Variants in CUL1 observed in about 807,000 individuals in gnomAD.
The protein encoded by CUL1 is cullin 1, also known as cullin-1.
CUL1 carries 24 observed loss-of-function variants against 118.0 expected under a neutral mutation model. The observed-to-expected ratio is 0.20, with a 90% confidence interval of 0.15 to 0.29. CUL1 has a LOEUF of 0.29. Ranked by LOEUF, CUL1 falls within the 10% of genes least tolerant of loss-of-function variation. The probability of loss-of-function intolerance (pLI) is 1.00; values close to 1 mark genes in which losing one functional copy is unlikely to be tolerated. For missense variants in CUL1, 361 were observed against 933.8 expected (o/e 0.39, Z 7.99); for synonymous variants, 332 against 340.4 (o/e 0.98, Z 0.27).
chr7:148,705,497 A>G (rs1476293000), intron 1 of CUL1, among the ~76,000 whole-genome samples: 1 of 152,252 alleles, frequency 6.6e-6, no homozygotes, highest in Non-Finnish European at 1.5e-5. Context: ...ACCGTTGCAC[A>G]GAAACGTGTC....
intron 2 of CUL1, among the ~76,000 whole-genome samples, chr7:148,750,336 C>T (rs1584789644): frequency 6.8e-6 from 1 of 147,440 alleles, no homozygotes; most frequent in South Asian, 2.1e-4. Flanking sequence ...TTCTAGGGTA[C>T]ATATGCACAA....
chr7:148,784,881 A>G lies in CUL1; in HGVS notation c.1298+804A>G, dbSNP rs3807448. Among the ~76,000 whole-genome samples, 309 of 152,372 alleles carry G rather than the reference A, an allele frequency of 2.0e-3. 10 individuals carry two copies. The East Asian group carries it at 0.055, about 27-fold the overall frequency. On this transcript the variant is annotated intron_variant, in intron 11 of 21. Transcript: ENST00000325222. ...AAAGACTACAAACAAGTGTCACTTG[A>G]GAATAGAGTTGTAGAAATCTTAAGT...
rs545998616 is a variant in CUL1 at position 148,748,137 on chromosome 7, A to G, written c.141-5839A>G. ...TTCCAGTAGAAGGGGAAAGGGAGGA[A>G]AACCGGAAACATAGAAACAGAGTTA... On this transcript the variant is annotated intron_variant, in intron 2 of 21. Coordinates refer to ENST00000325222, the MANE Select transcript of CUL1 (RefSeq NM_003592.3). Among the ~76,000 whole-genome samples the G allele has an allele frequency of 1.3e-4, 20 of 152,340 alleles. No individual in the cohort carries two copies. In the East Asian group the frequency reaches 3.9e-3, roughly 29 times the overall value.
chr7:148,752,477 T>C (rs187910645), intron 2 of CUL1, among the ~76,000 whole-genome samples: 19 of 152,280 alleles, frequency 1.2e-4, no homozygotes, highest in Middle Eastern at 6.8e-3. Context: ...ATTACCTAGA[T>C]TGGTTATTTT....
chr7:148,783,210 C>T (rs886526687), intron 9 of CUL1: 9 of 364,756 alleles, frequency 2.5e-5, no homozygotes, highest in East Asian at 1.6e-4. Context: ...TTCCTTGTTC[C>T]GGGGAGGCCC....
At position 148,736,213 on chromosome 7, in the gene CUL1, T is replaced by TA. The variant is rs544498561; in HGVS notation, c.140+5952dup. ...ACAAACATTGTTAAGAAATGACTAT[T>TA]ACAGCCAGTGTTGGCAAGGAGACCA... is the stretch of plus-strand genomic sequence containing the variant. On this transcript the variant is annotated intron_variant, in intron 2 of 21. Coordinates refer to ENST00000325222, the MANE Select transcript of CUL1 (RefSeq NM_003592.3). Among the ~76,000 whole-genome samples, 16 of 152,258 alleles carry TA rather than the reference T, an allele frequency of 1.1e-4. No individual in the cohort carries two copies. In the South Asian group the frequency reaches 2.7e-3, roughly 26 times the overall value.
intron 1 of CUL1, among the ~76,000 whole-genome samples, chr7:148,717,302 C>T (rs1174170492): frequency 1.3e-5 from 2 of 152,184 alleles, no homozygotes; most frequent in Non-Finnish European, 2.9e-5. Context: ...GGTGATCTGC[C>T]TGCCTGAGCC....
chr7:148,724,453 G>A (rs969374700), intron 1 of CUL1, among the ~76,000 whole-genome samples: 3 of 152,198 alleles, frequency 2.0e-5, no homozygotes, highest in South Asian at 2.1e-4. Flanking sequence ...GTGTCTGCAC[G>A]CGTGTGTGTC....
chr7:148,796,429 G>A (rs1326704804), intron 17 of CUL1, among the ~76,000 whole-genome samples: 1 of 152,194 alleles, frequency 6.6e-6, no homozygotes, highest in East Asian at 1.9e-4. Flanking sequence ...GTTTTCTCAA[G>A]ATGTTCGTTT....
chr7:148,779,481 T>C (rs1800536601), intron 9 of CUL1, among the ~76,000 whole-genome samples: 1 of 152,058 alleles, frequency 6.6e-6, no homozygotes, highest in African/African-American at 2.4e-5. Context: ...TAGAGCTAGC[T>C]AGGCAAAGGG....
intron 2 of CUL1, among the ~76,000 whole-genome samples, chr7:148,735,631 C>G (rs1237160171): frequency 6.6e-6 from 1 of 152,232 alleles, no homozygotes; most frequent in East Asian, 1.9e-4. Flanking sequence ...GGACACTTTT[C>G]ATCTTGCACT....
chr7:148,784,531 CAATAT>C, intron 11 of CUL1, among the ~76,000 whole-genome samples: 1 of 152,314 alleles, frequency 6.6e-6, no homozygotes, highest in East Asian at 1.9e-4. Context: ...GATCTGGAAG[CAATAT>C]AATATATAGC....
intron 9 of CUL1, among the ~76,000 whole-genome samples, chr7:148,782,023 C>A (rs1015722386): frequency 6.6e-6 from 1 of 152,132 alleles, no homozygotes; most frequent in African/African-American, 2.4e-5. Context: ...TGCATGTTAC[C>A]GTATTCGAAA....
intron 7 of CUL1, among the ~76,000 whole-genome samples, chr7:148,761,642 T>A (rs1799833880): frequency 6.6e-6 from 1 of 152,266 alleles, no homozygotes; most frequent in African/African-American, 2.4e-5. Flanking sequence ...CTATGTGATC[T>A]CTTTTGCAGC....
At chr7:148,741,193 C>T (rs925074416) in intron 2 of CUL1, among the ~76,000 whole-genome samples, 9 of 152,042 alleles carry the variant, frequency 5.9e-5, no homozygotes, top group African/African-American at 1.7e-4. Flanking sequence ...TTTACTATTA[C>T]GAATAGTGCT....
chr7:148,708,519 T>C (rs554239531), intron 1 of CUL1, among the ~76,000 whole-genome samples: 4 of 152,372 alleles, frequency 2.6e-5, no homozygotes, highest in Admixed American at 2.6e-4. Context: ...TGCTGCTTCA[T>C]TCAGGACTTG....
chr7:148,779,798 G>T (rs1194614832), intron 9 of CUL1, among the ~76,000 whole-genome samples: 1 of 152,206 alleles, frequency 6.6e-6, no homozygotes, highest in East Asian at 1.9e-4. Flanking sequence ...TCCTGGGTGT[G>T]TCTGTGAGGG....
chr7:148,800,452 G>T lies in CUL1; in HGVS notation c.2251-50G>T. The T allele has an allele frequency of 6.9e-7, 1 of 1,449,662 alleles. No individual in the cohort carries two copies. The highest frequency in any genetic ancestry group is 9.7e-7 in the Non-Finnish European group (1 of 1,031,796). 89.8% of individuals were successfully genotyped at this position (1,449,662 alleles called of 1,614,324 possible). A position where few individuals can be genotyped will look rare whatever the true frequency, so the allele number is the denominator to read the frequency against. On this transcript the variant is annotated intron_variant, in intron 21 of 21. Coordinates refer to ENST00000325222, the MANE Select transcript of CUL1 (RefSeq NM_003592.3). This position sits in a 1 kb window ranked among gnomAD's most constrained non-coding sequence, Gnocchi z 4.6. ...CCTCTCTCTGTTCTGATGATAATTT[G>T]TGTTTTTCTTCTCTTTCACTACCTC...
intron 5 of CUL1, 73 bp downstream of exon 5, chr7:148,759,427 C>A: frequency 6.6e-7 from 1 of 1,523,450 alleles, no homozygotes; most frequent in Non-Finnish European, 9.1e-7. Flanking sequence ...GCTTTTGTCT[C>A]GTCACTCCTT....
Sources: allele counts gnomAD v4.1 joint callset (sites outside exome capture counted in the v4.1 genomes callset), GRCh38; gene constraint gnomAD v4.1.1; non-coding constraint Gnocchi (gnomAD v3.1); transcripts MANE v1.5; gene names NCBI Gene and HGNC (gene_info 2026-07-23, HGNC 2026-07-21).